BBX: variants seen among roughly 807,000 people sequenced by gnomAD.
BBX encodes the protein BBX high mobility group box domain containing, also known as HMG box transcription factor BBX.
BBX carries 30 observed loss-of-function variants against 100.2 expected under a neutral mutation model. The observed-to-expected ratio is 0.30, with a 90% CI of 0.22 to 0.41. BBX has a LOEUF of 0.41. BBX is among the 10% of genes least tolerant of loss of function. The pLI is 1.00. For missense variants in BBX, 1,023 were observed against 1,129.8 expected (o/e 0.91, Z 1.35); for synonymous variants, 376 against 388.1 (o/e 0.97, Z 0.37).
chr3:107,793,248 TAAATC>T (rs2069239865), intron 15 of BBX, among the ~76,000 whole-genome samples: 1 of 152,162 alleles, frequency 6.6e-6, no homozygotes, highest in Non-Finnish European at 1.5e-5. Flanking sequence ...GGCAGAAAAG[TAAATC>T]ACTTTTGAGT....
intron 2 of BBX, among the ~76,000 whole-genome samples, chr3:107,645,150 C>T (rs2057441541): frequency 6.6e-6 from 1 of 152,044 alleles, no homozygotes; most frequent in Non-Finnish European, 1.5e-5. Context: ...TACAAAGAAA[C>T]ATAAATGATA....
chr3:107,707,907 T>A (rs2061481984), intron 3 of BBX, among the ~76,000 whole-genome samples: 1 of 152,216 alleles, frequency 6.6e-6, no homozygotes. Context: ...GCTAAAGATT[T>A]ATTTTTCTCT....
chr3:107,725,790 G>T (rs980258309), intron 5 of BBX, among the ~76,000 whole-genome samples: 3 of 151,774 alleles, frequency 2.0e-5, no homozygotes, highest in African/African-American at 7.3e-5. Flanking sequence ...TGTGTCTACT[G>T]CAAAGTAGGA....
chr3:107,529,476 C>G (rs972189639), intron 2 of BBX, among the ~76,000 whole-genome samples: 6 of 152,178 alleles, frequency 3.9e-5, no homozygotes, highest in African/African-American at 1.4e-4. Context: ...AAATCAGATG[C>G]AGGCAGTCCT....
intron 3 of BBX, among the ~76,000 whole-genome samples, chr3:107,683,061 C>T (rs768010047): frequency 6.6e-6 from 1 of 152,140 alleles, no homozygotes; most frequent in Non-Finnish European, 1.5e-5. Context: ...TATACCACTC[C>T]ATATCTGTTG....
At position 107,526,362 on chromosome 3, in the gene BBX, A is replaced by G. The variant is rs546373207; in HGVS notation, c.-120A>G. ...TATGACAAAGGCTTTGCCGCAGTTCATCTTCCTCCCTGTGTACTTTCCATT... is the reference window on the plus strand; with the variant it reads ...TATGACAAAGGCTTTGCCGCAGTTCGTCTTCCTCCCTGTGTACTTTCCATT... On this transcript the variant is annotated 5_prime_UTR_variant, in exon 2 of 18. Coordinates refer to ENST00000325805, the MANE Select transcript of BBX (RefSeq NM_001142568.3). The G allele has an allele frequency of 1.0e-5, 4 of 398,562 alleles. No homozygotes were observed. Among genetic ancestry groups the G allele is most frequent in the African/African-American group, 4.1e-5 (2 of 48,630 alleles). 24.7% of individuals were successfully genotyped at this position (398,562 alleles called of 1,614,324 possible).
At chr3:107,681,868 G>T (rs1428422439) in intron 3 of BBX, among the ~76,000 whole-genome samples, 1 of 152,024 alleles carries the variant, frequency 6.6e-6, no homozygotes, top group East Asian at 1.9e-4. Flanking sequence ...CTAGCAACAG[G>T]GGGGCTATAA....
chr3:107,744,716 A>C lies in BBX; in HGVS notation c.750+6A>C. ...CATTGTTTCAGTTTGCCGAGGTAAT[A>C]TATTACAATTGATACTTAACTAATG... On this transcript the variant is annotated splice_donor_region_variant and intron_variant, in intron 8 of 17. Transcript: ENST00000325805. The C allele has an allele frequency of 6.2e-7, 1 of 1,607,496 alleles. No homozygotes were observed. The highest frequency in any genetic ancestry group is 8.5e-7 in the Non-Finnish European group (1 of 1,174,196).
intron 2 of BBX, among the ~76,000 whole-genome samples, chr3:107,551,712 A>C (rs2049698242): frequency 2.0e-5 from 3 of 152,328 alleles, no homozygotes; most frequent in South Asian, 4.1e-4. Flanking sequence ...AACAGGCCTT[A>C]GTTTTCTCAT....
intron 10 of BBX, among the ~76,000 whole-genome samples, chr3:107,763,312 C>T (rs1261322946): frequency 2.6e-5 from 4 of 151,756 alleles, no homozygotes; most frequent in South Asian, 4.2e-4. Context: ...GCAAGCTCCG[C>T]CTCCCGGGTT....
At chr3:107,612,229 GC>G (rs1218232698) in intron 2 of BBX, among the ~76,000 whole-genome samples, 4 of 152,168 alleles carry the variant, frequency 2.6e-5, no homozygotes, top group Middle Eastern at 3.4e-3. Context: ...TCCGTGCTTG[GC>G]CCCTGGTGCC....
In BBX at chr3:107,778,460, T is replaced by C. The variant is rs1196214096; in HGVS notation, c.2144T>C (p.Val715Ala). 1.2e-6 allele frequency: 2 copies of C among 1,613,132 alleles called. No individual in the cohort carries two copies. Among genetic ancestry groups the C allele is most frequent in the African/African-American group, 1.3e-5 (1 of 74,810 alleles). ...ACATTTGACCGGAAATGTGTACCTG[T>C]CCCAAGAAAAAAGAAGAAGACTGGA... Reference protein sequence around the residue: ...PVTFDRKCVPVPRKKKKTGNV... With the variant: ...PVTFDRKCVPAPRKKKKTGNV... Residue 715 changes from valine (V) to alanine (A), a missense_variant, in exon 13 of 18, where the codon GTC becomes GCC. Coordinates refer to ENST00000325805, the MANE Select transcript of BBX (RefSeq NM_001142568.3).
intron 3 of BBX, among the ~76,000 whole-genome samples, chr3:107,708,477 C>G (rs1033682132): frequency 1.3e-5 from 2 of 152,026 alleles, no homozygotes; most frequent in African/African-American, 4.8e-5. Context: ...AGTTCAAGAC[C>G]AGACTGGCCA....
At chr3:107,713,401 C>A (rs1367133832) in intron 4 of BBX, among the ~76,000 whole-genome samples, 1 of 152,180 alleles carries the variant, frequency 6.6e-6, no homozygotes, top group African/African-American at 2.4e-5. Flanking sequence ...TGATGTCCCT[C>A]CACTGCTTAA....
chr3:107,690,892 C>CTTTTTTTTTTTT (rs66523709), intron 3 of BBX, among the ~76,000 whole-genome samples: 6 of 41,190 alleles, frequency 1.5e-4, no homozygotes, highest in African/African-American at 2.1e-4. Context: ...GCCCCCCCCC[C>CTTTTTTTTTTTT]TTTTTTTTTT....
chr3:107,656,631 GTTCTGT>G (rs2058161273), intron 3 of BBX, among the ~76,000 whole-genome samples: 1 of 152,106 alleles, frequency 6.6e-6, no homozygotes, highest in Non-Finnish European at 1.5e-5. Flanking sequence ...CTCCTGCTCT[GTTCTGT>G]TTCTTTTTAG....
chr3:107,543,090 A>C (rs1467788481), intron 2 of BBX, among the ~76,000 whole-genome samples: 1 of 152,262 alleles, frequency 6.6e-6, no homozygotes, highest in African/African-American at 2.4e-5. Context: ...GTGATTAAAA[A>C]AATGAACATC....
intron 3 of BBX, chr3:107,677,335 G>A (rs760859293): frequency 7.9e-5 from 12 of 152,054 alleles, no homozygotes; most frequent in Admixed American, 1.3e-4. Flanking sequence ...TATATTTCTG[G>A]TGTGGTTCCA....
At chr3:107,724,426 T>C (rs1332906977) in intron 5 of BBX, among the ~76,000 whole-genome samples, 5 of 152,004 alleles carry the variant, frequency 3.3e-5, no homozygotes, top group Admixed American at 3.3e-4. Context: ...ATCCCATTTG[T>C]CAATTTTGTC....
Sources: gnomAD v4.1 joint callset for allele counts (sites outside exome capture counted in the v4.1 genomes callset) on GRCh38, gnomAD v4.1.1 for gene constraint, MANE v1.5 for transcripts, NCBI Gene and HGNC (gene_info 2026-07-23, HGNC 2026-07-21) for gene names.